RIPK4: variants seen among roughly 807,000 people sequenced by gnomAD.
The protein encoded by RIPK4 is receptor interacting serine/threonine kinase 4, also known as receptor-interacting serine/threonine-protein kinase 4.
In RIPK4, 17 loss-of-function variants were observed where a neutral mutation model predicts 42.9. The observed-to-expected ratio is 0.40, with a 90% CI of 0.27 to 0.59. The LOEUF (loss-of-function observed/expected upper bound fraction) is 0.59. Ranked by LOEUF, RIPK4 falls within the 20% of genes least tolerant of loss-of-function variation. The pLI, the probability that RIPK4 is intolerant of heterozygous loss-of-function variation, is 0.47. For missense variants in RIPK4, 897 were observed against 1,104.4 expected (o/e 0.81, Z 2.66); for synonymous variants, 498 against 499.1 (o/e 1.00, Z 0.03).
chr21:41,746,925 G>A, intron 4 of RIPK4, 154 bp from the exon 5 acceptor site: 1 of 804,576 alleles, frequency 1.2e-6, no homozygotes, highest in East Asian at 2.8e-5. Context: ...CAAAGGCAGA[G>A]CTTCCTGTAA....
intron 1 of RIPK4, among the ~76,000 whole-genome samples, chr21:41,762,218 G>A (rs1041334937): frequency 2.0e-5 from 3 of 152,210 alleles, no homozygotes; most frequent in Non-Finnish European, 4.4e-5. Context: ...GTGGACAAAA[G>A]TGTTGTGACA....
At chr21:41,763,526 G>A (rs1038895272) in intron 1 of RIPK4, among the ~76,000 whole-genome samples, 1 of 152,170 alleles carries the variant, frequency 6.6e-6, no homozygotes, top group Non-Finnish European at 1.5e-5. Context: ...AGGGAGGTGG[G>A]GGAGACGGTG....
intron 2 of RIPK4, among the ~76,000 whole-genome samples, chr21:41,754,623 G>C (rs35430923): frequency 1.3e-5 from 2 of 152,150 alleles, no homozygotes; most frequent in Non-Finnish European, 2.9e-5. Context: ...AGCTCTCTGC[G>C]TCTCTTGGGC....
Position 41,742,693 on chromosome 21 carries a change from G to A in RIPK4, c.1196-696C>T, listed in dbSNP as rs140369983. ...AACGCGTGGGGACTTGGAAGTCGGC[G>A]GTGGGAAGGTGTTAAGAAAACGGAA... On this transcript the variant is annotated intron_variant, in intron 7 of 7. Transcript: ENST00000332512. The surrounding 1 kb of genome is among the most constrained non-coding windows in gnomAD (Gnocchi z 5.1). Among the ~76,000 whole-genome samples the A allele has an allele frequency of 1.7e-4, 26 of 152,262 alleles. No individual in the cohort carries two copies. In the East Asian group the frequency reaches 4.2e-3, roughly 25 times the overall value.
In RIPK4 at chr21:41,750,999, A is replaced by G. The variant is rs111958832; in HGVS notation, c.623+98T>C. Reference sequence around the variant, plus strand: ...GGCCCGAGCCCCATTTCTGACTGGCAGCAAGAGGCCTTTCTGAAAGCTGCA... The same window carrying G: ...GGCCCGAGCCCCATTTCTGACTGGCGGCAAGAGGCCTTTCTGAAAGCTGCA... On this transcript the variant is annotated intron_variant, in intron 3 of 7. Coordinates refer to ENST00000332512, the MANE Select transcript of RIPK4 (RefSeq NM_020639.3). 3.4e-6 allele frequency: 5 copies of G among 1,469,098 alleles called. No homozygotes were observed. The South Asian group carries it at 4.0e-5, about 12-fold the overall frequency. 91.0% of individuals were successfully genotyped at this position (1,469,098 alleles called of 1,614,324 possible).
intron 1 of RIPK4, among the ~76,000 whole-genome samples, chr21:41,764,265 G>C (rs1277491391): frequency 6.6e-6 from 1 of 152,216 alleles, no homozygotes. Flanking sequence ...CCGGCTGAAG[G>C]CCTGGCCCAG....
Position 41,741,139 on chromosome 21 carries a change from G to A in RIPK4, c.2054C>T (p.Thr685Ile). ...HLAARNGHLA[T>I]VKLLVEEKAD... ...CTTCTCCTCGACAAGCAGCTTGACA[G>A]TGGCCAGGTGTCCGTTGCGGGCAGC... Residue 685 changes from threonine to isoleucine, a missense_variant, in exon 8 of 8, where the codon ACT becomes ATT. By Grantham distance (89) the Thr-to-Ile change is moderately conservative (BLOSUM62 -1). Transcript: ENST00000332512. 1 of 1,612,880 alleles carries A rather than the reference G, an allele frequency of 6.2e-7. No individual in the cohort carries two copies. Among genetic ancestry groups the A allele is most frequent in the Non-Finnish European group, 8.5e-7 (1 of 1,179,852 alleles).
In RIPK4 at chr21:41,740,838, C is replaced by A. The variant is rs751762666; in HGVS notation, c.2355G>T (p.Ter785TyrextTer60). The A allele has an allele frequency of 6.3e-7, 1 of 1,597,806 alleles. No individual in the cohort carries two copies. The highest frequency in any genetic ancestry group is 1.7e-5 in the Admixed American group (1 of 59,104). Residue 785 changes from the stop codon to tyrosine (Y), a stop_lost, in exon 8 of 8, where the codon TAG (stop) becomes TAT (tyrosine). Coordinates refer to ENST00000332512, the MANE Select transcript of RIPK4 (RefSeq NM_020639.3). ...AATLLRRSKT[*>Y] ...ACCCCCGGTCTCCGCAGGCAGCCAG[C>A]TAGGTCTTGCTTCGCCGCAGGAGCG...
intron 3 of RIPK4, among the ~76,000 whole-genome samples, chr21:41,749,766 G>A (rs1159140752): frequency 6.6e-6 from 1 of 151,828 alleles, no homozygotes; most frequent in African/African-American, 2.4e-5. Context: ...AGAAAACGTA[G>A]GAGACAACAC....
intron 5 of RIPK4, 31 bp downstream of exon 5, chr21:41,746,582 G>C: frequency 6.2e-7 from 1 of 1,606,512 alleles, no homozygotes; most frequent in Non-Finnish European, 8.5e-7. Context: ...GACACCCACA[G>C]AATGTGGCGG....
At position 41,751,753 on chromosome 21, in the gene RIPK4, C is replaced by G. The variant is rs1215359874; in HGVS notation, c.475-508G>C. Among the ~76,000 whole-genome samples, 3 of 152,220 alleles carry G rather than the reference C, an allele frequency of 2.0e-5. No individual in the cohort carries two copies. The highest frequency in any genetic ancestry group is 1.3e-4 in the Admixed American group (2 of 15,288). ...AGTCCTTTAAAGGGAAACACAGAAACACACCTTCAGAAGCCCTTTAAACTT... is the reference window on the plus strand; with the variant it reads ...AGTCCTTTAAAGGGAAACACAGAAAGACACCTTCAGAAGCCCTTTAAACTT... On this transcript the variant is annotated intron_variant, in intron 2 of 7. Transcript: ENST00000332512. The surrounding 1 kb of genome is among the most constrained non-coding windows in gnomAD (Gnocchi z 4.5).
intron 7 of RIPK4, among the ~76,000 whole-genome samples, chr21:41,743,276 C>T (rs144724459): frequency 2.0e-5 from 3 of 152,326 alleles, no homozygotes; most frequent in South Asian, 4.1e-4. Context: ...AGGTCCAGCA[C>T]CCTGGGGCAG....
chr21:41,745,634 C>T (rs1465536459), intron 6 of RIPK4, 125 bp downstream of exon 6: 20 of 690,678 alleles, frequency 2.9e-5, no homozygotes, highest in Non-Finnish European at 4.8e-5. Context: ...GAGTTGGGTG[C>T]GGGATGGGCT....
chr21:41,755,032 C>G lies in RIPK4; in HGVS notation c.474+1493G>C, dbSNP rs757645889. On this transcript the variant is annotated intron_variant, in intron 2 of 7. Coordinates refer to ENST00000332512, the MANE Select transcript of RIPK4 (RefSeq NM_020639.3). The surrounding 1 kb of genome is among the most constrained non-coding windows in gnomAD (Gnocchi z 4.2). ...CATGTCCTTTCCGGTATTCAGTGCACGTTGGACGGCAGAGCTTACTAGTCA... is the reference window on the plus strand; with the variant it reads ...CATGTCCTTTCCGGTATTCAGTGCAGGTTGGACGGCAGAGCTTACTAGTCA... 2.0e-5 allele frequency among the ~76,000 whole-genome samples: 3 copies of G among 152,162 alleles called. No homozygotes were observed.
Position 41,743,979 on chromosome 21 carries a change from G to C in RIPK4, c.1098C>G (p.Gly366=). 1 of 1,613,518 alleles carries C rather than the reference G, an allele frequency of 6.2e-7. No individual in the cohort carries two copies. Among genetic ancestry groups the C allele is most frequent in the Non-Finnish European group, 8.5e-7 (1 of 1,180,026 alleles). The change falls in exon 7 of 8, where the codon GGC becomes GGG. Residue 366 remains glycine, a synonymous_variant. Coordinates refer to ENST00000332512, the MANE Select transcript of RIPK4 (RefSeq NM_020639.3). ...SSSESKLPSS[G]SGKRLSGVSS... is the part of the protein sequence containing the mutation. ...ACACCCCCGAGAGCCTCTTCCCACT[G>C]CCGGACGATGGCAGCTTGGACTCAG...
chr21:41,746,010 C>T (rs913268998), intron 5 of RIPK4, 148 bp from the exon 6 acceptor site: 1 of 765,142 alleles, frequency 1.3e-6, no homozygotes, highest in African/African-American at 1.7e-5. Context: ...AGGGGCCCTA[C>T]ATGGACAATT....
chr21:41,745,918 C>CAGAA, intron 5 of RIPK4, 56 bp from the exon 6 acceptor site: 1 of 1,376,588 alleles, frequency 7.3e-7, no homozygotes, highest in Non-Finnish European at 1.0e-6. Flanking sequence ...CGTACACACG[C>CAGAA]GTTCCATATA....
rs745461319 is a variant in RIPK4 at position 41,746,182 on chromosome 21, C to T, written c.833-320G>A. 51 of 637,166 alleles carry T rather than the reference C, an allele frequency of 8.0e-5. 1 individual carries two copies. Among genetic ancestry groups the T allele is most frequent in the South Asian group, 4.5e-4 (30 of 66,524 alleles). The allele number at this position is 637,166 out of a possible 1,614,324, so 39.5% of individuals were successfully genotyped here. ...CATTCAGCCCGTTTCCTGCCGTAAG[C>T]TTTAAATGCAGCAGTTTCCATCTCA... On this transcript the variant is annotated intron_variant, in intron 5 of 7. Coordinates refer to ENST00000332512, the MANE Select transcript of RIPK4 (RefSeq NM_020639.3).
intron 4 of RIPK4, among the ~76,000 whole-genome samples, chr21:41,748,627 G>A (rs972473981): frequency 7.9e-5 from 12 of 152,194 alleles, no homozygotes; most frequent in Admixed American, 2.0e-4. Flanking sequence ...TGCTTCACAC[G>A]GCTGACATGC....
Sources: gnomAD v4.1 joint callset for allele counts (sites outside exome capture counted in the v4.1 genomes callset) on GRCh38, gnomAD v4.1.1 for gene constraint, Gnocchi (gnomAD v3.1) non-coding constraint, MANE v1.5 for transcripts, NCBI Gene and HGNC (gene_info 2026-07-23, HGNC 2026-07-21) for gene names.